Variants in ATP8B4 observed in about 807,000 individuals in gnomAD.
The protein encoded by ATP8B4 is probable phospholipid-transporting ATPase IM.
A neutral mutation model predicts 145.6 loss-of-function variants in ATP8B4; 133 were observed. The ratio of observed to expected loss-of-function variants is 0.91; its 90% CI spans 0.79 to 1.05. The LOEUF (loss-of-function observed/expected upper bound fraction) is 1.05, where lower values mean the gene tolerates loss of function less well. Ranked by LOEUF, ATP8B4 falls within the 50% of genes least tolerant of loss-of-function variation. ATP8B4 has a pLI of 0.00. For synonymous variants in ATP8B4, 507 were observed against 492.9 expected (o/e 1.03, Z -0.38); for missense variants, 1,458 against 1,425.2 (o/e 1.02, Z -0.37).
intron 21 of ATP8B4, 130 bp downstream of exon 21, chr15:49,900,962 A>G (rs761221010): frequency 2.6e-5 from 31 of 1,179,670 alleles, no homozygotes; most frequent in Non-Finnish European, 3.5e-5. Flanking sequence ...ACAGGAAATC[A>G]TCGCATATGC....
chr15:50,114,103 C>CTTGTTTTTTTTTTT (rs2057080609), intron 1 of ATP8B4, among the ~76,000 whole-genome samples: 1 of 55,644 alleles, frequency 1.8e-5, no homozygotes, highest in Non-Finnish European at 3.1e-5. Context: ...CTCCTAGTTT[C>CTTGTTTTTTTTTTT]TTTTTTTTTT....
At chr15:49,879,229 T>A (rs1402894937) in intron 24 of ATP8B4, 147 bp downstream of exon 24, 12 of 684,204 alleles carry the variant, frequency 1.8e-5, no homozygotes, top group Non-Finnish European at 2.7e-5. Flanking sequence ...ACAGTGGACC[T>A]GGAAGCATGT....
intron 16 of ATP8B4, among the ~76,000 whole-genome samples, chr15:49,927,906 G>A (rs186476435): frequency 6.6e-6 from 1 of 152,214 alleles, no homozygotes; most frequent in East Asian, 1.9e-4. Context: ...ATGTTATTTG[G>A]TTTTTACCTG....
At chr15:50,070,587 T>A (rs1253346729) in intron 3 of ATP8B4, among the ~76,000 whole-genome samples, 1 of 152,182 alleles carries the variant, frequency 6.6e-6, no homozygotes, top group Non-Finnish European at 1.5e-5. Flanking sequence ...CAGGTGCTCA[T>A]TTTCTCTGAG....
chr15:49,918,769 T>G (rs1238678037), intron 19 of ATP8B4, 70 bp downstream of exon 19: 4 of 1,116,828 alleles, frequency 3.6e-6, no homozygotes, highest in Non-Finnish European at 4.0e-6. Context: ...CCTTTCTGGT[T>G]AATTAAAATT....
intron 8 of ATP8B4, among the ~76,000 whole-genome samples, chr15:49,998,090 C>T (rs544901612): frequency 9.2e-5 from 14 of 152,250 alleles, no homozygotes; most frequent in Admixed American, 3.9e-4. Context: ...CCCTAATCTA[C>T]GTCATGTAAT....
At chr15:50,114,949 T>C (rs1313830296) in intron 1 of ATP8B4, among the ~76,000 whole-genome samples, 1 of 152,176 alleles carries the variant, frequency 6.6e-6, no homozygotes, top group Non-Finnish European at 1.5e-5. Flanking sequence ...GGGCTGGGCA[T>C]GAGGGAGGCA....
chr15:50,071,972 C>A (rs2053765424), intron 3 of ATP8B4, among the ~76,000 whole-genome samples: 1 of 151,870 alleles, frequency 6.6e-6, no homozygotes, highest in African/African-American at 2.4e-5. Context: ...GTTTGCATGA[C>A]TAGCACAGCA....
At chr15:50,106,346 T>C (rs1030160331) in intron 2 of ATP8B4, among the ~76,000 whole-genome samples, 1 of 152,148 alleles carries the variant, frequency 6.6e-6, no homozygotes, top group Admixed American at 6.5e-5. Context: ...GTGTGGACGC[T>C]ATATTAAAGA....
chr15:49,879,744 C>G (rs117791308), intron 23 of ATP8B4: 1 of 250,616 alleles, frequency 4.0e-6, no homozygotes, highest in Non-Finnish European at 7.5e-6. Context: ...TAACATAGTG[C>G]GGGACACGTA....
At chr15:50,055,951 G>A (rs940683175) in intron 3 of ATP8B4, among the ~76,000 whole-genome samples, 2 of 152,282 alleles carry the variant, frequency 1.3e-5, no homozygotes, top group Middle Eastern at 3.4e-3. Context: ...AGTATCAGCT[G>A]ACTGTTGCCT....
chr15:50,101,047 A>G (rs1268938785), intron 2 of ATP8B4, among the ~76,000 whole-genome samples: 1 of 152,222 alleles, frequency 6.6e-6, no homozygotes, highest in East Asian at 1.9e-4. Flanking sequence ...CCCAAAATTC[A>G]AAATAATGAA....
Position 50,172,901 on chromosome 15 carries a change from G to A in ATP8B4, c.-43+9360C>T, listed in dbSNP as rs558532791. On this transcript the variant is annotated intron_variant, in intron 1 of 3. Coordinates refer to the ATP8B4 transcript ENST00000558829. ...CGTCTGAGAAGTGAGGAGCCCCTCC[G>A]TCCGGCAGCCGCCCCGTCCGGGAAG... Among the ~76,000 whole-genome samples, 37 of 150,896 alleles carry A rather than the reference G, an allele frequency of 2.5e-4. No homozygotes were observed. In the East Asian group the frequency reaches 6.9e-3, roughly 28 times the overall value.
At chr15:50,172,479 A>C (rs1483872534) in intron 1 of ATP8B4, among the ~76,000 whole-genome samples, 3 of 152,140 alleles carry the variant, frequency 2.0e-5, no homozygotes, top group African/African-American at 7.2e-5. Flanking sequence ...AGCCGGCGTG[A>C]TCTCGGCTCG....
At chr15:50,093,635 TTAC>T (rs1464231954) in intron 2 of ATP8B4, among the ~76,000 whole-genome samples, 1 of 152,018 alleles carries the variant, frequency 6.6e-6, no homozygotes, top group Non-Finnish European at 1.5e-5. Context: ...TGCATTTATT[TTAC>T]TACTGATACA....
intron 6 of ATP8B4, among the ~76,000 whole-genome samples, chr15:50,012,641 T>C (rs1168861654): frequency 1.3e-5 from 2 of 152,170 alleles, no homozygotes; most frequent in African/African-American, 2.4e-5. Context: ...AATTGTCTTA[T>C]GATTTGACAA....
intron 20 of ATP8B4, chr15:49,908,016 C>T (rs140842141): frequency 4.4e-5 from 20 of 455,966 alleles, no homozygotes; most frequent in African/African-American, 3.4e-4. Context: ...CCCACCTGAA[C>T]CACGGACTAC....
At chr15:50,050,739 T>TTTTATATAAAACATATTAAATATGC (rs2052114331) in intron 3 of ATP8B4, among the ~76,000 whole-genome samples, 2 of 152,130 alleles carry the variant, frequency 1.3e-5, no homozygotes, top group African/African-American at 4.8e-5. Context: ...GTTTAATATG[T>TTTTATATAAAACATATTAAATATGC]TTTATATAAA....
At position 50,164,779 on chromosome 15, in the gene ATP8B4, A is replaced by T. The variant is rs555985570; in HGVS notation, c.-43+17482T>A. On this transcript the variant is annotated intron_variant, in intron 1 of 3. Coordinates refer to the ATP8B4 transcript ENST00000558829. ...GGCTTCCAGAACTCAGACTCTGACC[A>T]TTGAGATGGGAGATTCACCTCTGGC... is the stretch of plus-strand genomic sequence containing the variant. Among the ~76,000 whole-genome samples, 119 of 152,324 alleles carry T rather than the reference A, an allele frequency of 7.8e-4. 1 individual carries two copies. The highest frequency in any genetic ancestry group is 2.8e-3 in the African/African-American group (115 of 41,570).
Sources: gnomAD v4.1 joint callset for allele counts (sites outside exome capture counted in the v4.1 genomes callset) on GRCh38, gnomAD v4.1.1 for gene constraint, MANE v1.5 for transcripts, NCBI Gene and HGNC (gene_info 2026-07-23, HGNC 2026-07-21) for gene names.